Variants in GRAMD4 observed in about 807,000 individuals in gnomAD.
The protein encoded by GRAMD4 is GRAM domain containing 4, also known as GRAM domain-containing protein 4.
In GRAMD4, 25 loss-of-function variants were observed where a neutral mutation model predicts 83.9. The ratio of observed to expected loss-of-function variants is 0.30; its 90% CI spans 0.22 to 0.42. The LOEUF is 0.42. GRAMD4 is among the 10% of genes least tolerant of loss of function. GRAMD4 has a pLI of 1.00. For missense variants in GRAMD4, 593 were observed against 788.7 expected, an observed-to-expected ratio of 0.75 and a Z score of 2.97; for synonymous variants, 336 against 320.9, an observed-to-expected ratio of 1.05 and a Z score of -0.50.
In GRAMD4 at chr22:46,621,194, G is replaced by A. The variant is rs1467908948; in HGVS notation, c.-50+629G>A. 6.6e-6 allele frequency among the ~76,000 whole-genome samples: 1 copy of A among 152,178 alleles called. No homozygotes were observed. The highest frequency in any genetic ancestry group is 1.9e-4 in the East Asian group (1 of 5,202). On this transcript the variant is annotated intron_variant, in intron 1 of 18. Transcript: ENST00000406902. This position sits in a 1 kb window ranked among gnomAD's most constrained non-coding sequence, Gnocchi z 5.8. ...GTGAGACGCAGGTGGGCGGTGTCGG[G>A]AGACCCGGGTCTGGCCTGAGGTGCA...
intron 3 of GRAMD4, among the ~76,000 whole-genome samples, chr22:46,643,155 C>CCATGCATGCATGCATG (rs2082007431): frequency 1.4e-4 from 2 of 14,184 alleles, no homozygotes; most frequent in Non-Finnish European, 1.7e-4. Context: ...ATCCATCCAT[C>CCATGCATGCATGCATG]CATCCATCCA....
In GRAMD4 at chr22:46,614,293, C is replaced by T. The variant is rs1243338833; in HGVS notation, c.-49-12458C>T. ...CCAAGGGCGGGGCGCTGCTGCCACT[C>T]GGGGCCTCACTTCTCCTTGTGTTGG... On this transcript the variant is annotated intron_variant, in intron 1 of 1. Transcript: ENST00000431155. Among the ~76,000 whole-genome samples, 4 of 152,060 alleles carry T rather than the reference C, an allele frequency of 2.6e-5. No individual in the cohort carries two copies. The South Asian group carries it at 6.2e-4, about 24-fold the overall frequency.
Position 46,625,253 on chromosome 22 carries a change from C to T in GRAMD4, c.-49-1498C>T, listed in dbSNP as rs765988025. The stretch of plus-strand genomic sequence containing the variant: ...CCCCTCACCATGCTGGGAACCTCCG[C>T]GCCTCTGTGGCTCAGAGTGGGTTCT... On this transcript the variant is annotated intron_variant, in intron 1 of 18. Coordinates refer to ENST00000406902, the MANE Select transcript of GRAMD4 (RefSeq NM_015124.5). 8.5e-5 allele frequency among the ~76,000 whole-genome samples: 13 copies of T among 152,344 alleles called. 1 individual carries two copies. Among genetic ancestry groups the T allele is most frequent in the South Asian group, 2.1e-4 (1 of 4,826 alleles).
intron 2 of GRAMD4, among the ~76,000 whole-genome samples, chr22:46,633,540 G>A (rs911126891): frequency 1.2e-4 from 18 of 152,168 alleles, no homozygotes; most frequent in Admixed American, 7.8e-4. Flanking sequence ...CTCCTGGCCC[G>A]GGAGCCCAGC....
At chr22:46,680,889 CCCATCCATCCAT>C (rs1205121084), downstream of GRAMD4, among the ~76,000 whole-genome samples, 3 of 106,702 alleles carry the variant, frequency 2.8e-5, no homozygotes, top group Admixed American at 1.9e-4. Flanking sequence ...CATCTACCTA[CCCATCCATCCAT>C]CCATCCATCC....
At chr22:46,610,878 G>A (rs1392209844) in intron 1 of GRAMD4, among the ~76,000 whole-genome samples, 2 of 152,170 alleles carry the variant, frequency 1.3e-5, no homozygotes, top group East Asian at 3.8e-4. Context: ...GCCTACCTGT[G>A]CCTACACTTA....
At chr22:46,627,431 G>A (rs1569270834) in intron 2 of GRAMD4, among the ~76,000 whole-genome samples, 3 of 152,264 alleles carry the variant, frequency 2.0e-5, no homozygotes, top group East Asian at 3.8e-4. Flanking sequence ...CTTGTGGCCA[G>A]CTGGGGGGAC....
At chr22:46,682,416 T>C (rs897487174), downstream of GRAMD4, 4 of 984,872 alleles carry the variant, frequency 4.1e-6, no homozygotes, top group African/African-American at 7.0e-5. Flanking sequence ...CACAGGTAAA[T>C]CATCATCATA....
intron 3 of GRAMD4, among the ~76,000 whole-genome samples, 199 bp from the exon 4 acceptor site, chr22:46,657,988 A>T (rs989008163): frequency 1.3e-5 from 2 of 152,148 alleles, no homozygotes; most frequent in African/African-American, 2.4e-5. Context: ...GCTCCTGCCC[A>T]GGAGGAAGGG....
At chr22:46,674,288 G>A (rs560228217) in intron 15 of GRAMD4, among the ~76,000 whole-genome samples, 3 of 152,300 alleles carry the variant, frequency 2.0e-5, no homozygotes, top group East Asian at 1.9e-4. Context: ...AGGCAGCTGC[G>A]GAGAACGGAG....
intron 13 of GRAMD4, among the ~76,000 whole-genome samples, chr22:46,669,924 T>C (rs2082476494): frequency 6.6e-6 from 1 of 152,214 alleles, no homozygotes; most frequent in Admixed American, 6.5e-5. Flanking sequence ...CTTTTCTTTC[T>C]CTTTTCCTCA....
chr22:46,576,753 C>G (rs1397874184), upstream of GRAMD4, among the ~76,000 whole-genome samples: 5 of 148,250 alleles, frequency 3.4e-5, no homozygotes, highest in South Asian at 8.5e-4. Flanking sequence ...GGCGGGCGGT[C>G]CCGCGGGGCG....
Position 46,666,794 on chromosome 22 carries a change from C to T in GRAMD4, c.810-31C>T, listed in dbSNP as rs763188637. 21 of 1,599,976 alleles carry T rather than the reference C, an allele frequency of 1.3e-5. No individual in the cohort carries two copies. The African/African-American group carries it at 2.7e-4, about 20-fold the overall frequency. ...CTTCCCCTGACTCAGGTGGCGCTGT[C>T]CTAAAGGTGTGTGTGTTTTCTGTTC... On this transcript the variant is annotated intron_variant, in intron 9 of 18. Coordinates refer to ENST00000406902, the MANE Select transcript of GRAMD4 (RefSeq NM_015124.5).
intron 1 of GRAMD4, among the ~76,000 whole-genome samples, chr22:46,592,345 C>T (rs1055646288): frequency 1.3e-5 from 2 of 151,714 alleles, no homozygotes; most frequent in Non-Finnish European, 2.9e-5. Context: ...TGCAGGGGTG[C>T]GTGTCTGTGG....
chr22:46,626,685 T>C, intron 1 of GRAMD4, 66 bp from the exon 2 acceptor site: 2 of 1,001,440 alleles, frequency 2.0e-6, no homozygotes, highest in Non-Finnish European at 3.0e-6. Context: ...GTGCCCTGTG[T>C]GTGGGAGCTG....
intron 3 of GRAMD4, among the ~76,000 whole-genome samples, chr22:46,649,796 C>T (rs759340508): frequency 5.9e-5 from 9 of 152,198 alleles, no homozygotes; most frequent in South Asian, 4.1e-4. Context: ...ACAATAAAAG[C>T]GAGGCATTTC....
At chr22:46,628,035 G>A (rs889225257) in intron 2 of GRAMD4, among the ~76,000 whole-genome samples, 22 of 152,220 alleles carry the variant, frequency 1.4e-4, no homozygotes, top group Non-Finnish European at 3.1e-4. Context: ...CCGGAGAGCT[G>A]TGTCTCATCC....
chr22:46,637,256 C>CTTT (rs10644251), intron 2 of GRAMD4, among the ~76,000 whole-genome samples: 48 of 143,126 alleles, frequency 3.4e-4, no homozygotes, highest in African/African-American at 7.8e-4. Flanking sequence ...ATCCAGTTCC[C>CTTT]TTTTTTTTTT....
At chr22:46,644,997 G>A (rs71313062) in intron 3 of GRAMD4, among the ~76,000 whole-genome samples, 4 of 127,658 alleles carry the variant, frequency 3.1e-5, no homozygotes, top group East Asian at 2.5e-4. Context: ...CCATCCATCC[G>A]CCTCGGCCTC....
Sources: allele counts gnomAD v4.1 joint callset (sites outside exome capture counted in the v4.1 genomes callset), GRCh38; gene constraint gnomAD v4.1.1; non-coding constraint Gnocchi (gnomAD v3.1); transcripts MANE v1.5; gene names NCBI Gene and HGNC (gene_info 2026-07-23, HGNC 2026-07-21).